Variants in TAFA5 observed in about 807,000 individuals in gnomAD.
The protein encoded by TAFA5 is chemokine-like protein TAFA-5.
A neutral mutation model predicts 15.3 loss-of-function variants in TAFA5; 6 were observed. The ratio of observed to expected loss-of-function variants is 0.39; its 90% CI spans 0.21 to 0.77. The LOEUF is 0.77. TAFA5 is among the 30% of genes least tolerant of loss of function. TAFA5 has a pLI of 0.41. For synonymous variants in TAFA5, 103 were observed against 80.7 expected (o/e 1.28, Z -1.48); for missense variants, 161 against 193.1 (o/e 0.83, Z 0.98).
intron 1 of TAFA5, among the ~76,000 whole-genome samples, chr22:48,633,968 G>T (rs1480175386): frequency 6.6e-6 from 1 of 152,176 alleles, no homozygotes; most frequent in African/African-American, 2.4e-5. Flanking sequence ...GCTTTCCAGG[G>T]GGCAGCTTGT....
intron 3 of TAFA5, among the ~76,000 whole-genome samples, chr22:48,740,474 C>A (rs527981680): frequency 0.013 from 1,936 of 152,332 alleles, 19 homozygotes; most frequent in Non-Finnish European, 0.02. Flanking sequence ...GCTTAGTGAG[C>A]AAAAGTGGGC....
At position 48,688,654 on chromosome 22, in the gene TAFA5, G is replaced by A. The variant is rs147857693; in HGVS notation, c.263-19063G>A. ...AGCTCCTTGCTTAGCTGAAAGGAGA[G>A]TCTTGACTTCCCAGTTTCTGAGAAA... On this transcript the variant is annotated intron_variant, in intron 2 of 3. Coordinates refer to ENST00000402357, the MANE Select transcript of TAFA5 (RefSeq NM_001082967.3). 2.3e-4 allele frequency among the ~76,000 whole-genome samples: 35 copies of A among 152,276 alleles called. 1 individual carries two copies. The East Asian group carries it at 5.0e-3, about 22-fold the overall frequency.
chr22:48,725,027 G>A (rs1046672090), intron 3 of TAFA5, among the ~76,000 whole-genome samples: 11 of 152,256 alleles, frequency 7.2e-5, no homozygotes, highest in Admixed American at 6.5e-4. Context: ...ATTCCCAAAG[G>A]AGCAGAAAAC....
intron 1 of TAFA5, among the ~76,000 whole-genome samples, chr22:48,531,203 C>T (rs538134471): frequency 3.9e-5 from 6 of 152,220 alleles, no homozygotes; most frequent in African/African-American, 1.4e-4. Flanking sequence ...CCAACCCTTT[C>T]GGCCTTGCAT....
chr22:48,500,596 C>G (rs1193860784), intron 1 of TAFA5, among the ~76,000 whole-genome samples: 1 of 152,248 alleles, frequency 6.6e-6, no homozygotes, highest in African/African-American at 2.4e-5. Flanking sequence ...TGCTGTCCGC[C>G]TCTTCTCGGC....
At chr22:48,589,768 G>C (rs1257036637) in intron 1 of TAFA5, among the ~76,000 whole-genome samples, 1 of 152,160 alleles carries the variant, frequency 6.6e-6, no homozygotes, top group African/African-American at 2.4e-5. Context: ...AGCACCCGCA[G>C]CCATCAGGAG....
chr22:48,692,782 G>A (rs1406224281), intron 2 of TAFA5, among the ~76,000 whole-genome samples: 1 of 152,172 alleles, frequency 6.6e-6, no homozygotes, highest in African/African-American at 2.4e-5. Context: ...CATACGAGGG[G>A]CGTGTTCCCA....
chr22:48,727,393 A>G (rs1929745206), intron 3 of TAFA5, among the ~76,000 whole-genome samples: 1 of 152,232 alleles, frequency 6.6e-6, no homozygotes, highest in African/African-American at 2.4e-5. Context: ...AGCCATGATG[A>G]TTTAAGTCGT....
At chr22:48,581,419 G>A (rs1378393315) in intron 1 of TAFA5, among the ~76,000 whole-genome samples, 2 of 152,236 alleles carry the variant, frequency 1.3e-5, no homozygotes, top group Non-Finnish European at 2.9e-5. Flanking sequence ...AAACTCATCA[G>A]TCTCCCATGT....
intron 1 of TAFA5, among the ~76,000 whole-genome samples, chr22:48,580,572 C>T (rs1923997974): frequency 6.6e-6 from 1 of 152,182 alleles, no homozygotes; most frequent in Non-Finnish European, 1.5e-5. Context: ...TTTCCCAGAG[C>T]AGCAAGGCTG....
chr22:48,667,815 C>T (rs374252691), intron 2 of TAFA5, among the ~76,000 whole-genome samples: 8 of 11,434 alleles, frequency 7.0e-4, no homozygotes, highest in Admixed American at 2.7e-3. Context: ...TCACCGGGAG[C>T]GTTAATCCCC....
chr22:48,606,151 C>T (rs980678326), intron 1 of TAFA5, among the ~76,000 whole-genome samples: 6 of 152,182 alleles, frequency 3.9e-5, no homozygotes, highest in African/African-American at 1.2e-4. Flanking sequence ...GCTCCGCTCT[C>T]CTCCACCTCC....
intron 3 of TAFA5, among the ~76,000 whole-genome samples, chr22:48,748,578 C>G (rs1930393586): frequency 6.6e-6 from 1 of 152,222 alleles, no homozygotes; most frequent in African/African-American, 2.4e-5. Flanking sequence ...GGCAGGTCCC[C>G]TCACCCCTGA....
intron 1 of TAFA5, among the ~76,000 whole-genome samples, chr22:48,631,527 G>T (rs738687): frequency 1.3e-5 from 2 of 152,106 alleles, no homozygotes; most frequent in African/African-American, 4.8e-5. Flanking sequence ...GTGTCCCCAG[G>T]TCTCCAGCTG....
chr22:48,737,256 A>C (rs879704061), intron 3 of TAFA5, among the ~76,000 whole-genome samples: 21 of 152,234 alleles, frequency 1.4e-4, no homozygotes, highest in Admixed American at 1.4e-3. Flanking sequence ...AAAGACCATG[A>C]GACAGGGAAC....
intron 1 of TAFA5, among the ~76,000 whole-genome samples, chr22:48,634,017 G>GCACTGCCCC (rs113870807): frequency 6.6e-6 from 1 of 152,142 alleles, no homozygotes; most frequent in Non-Finnish European, 1.5e-5. Context: ...TGTTGACGGT[G>GCACTGCCCC]CACTGCCCCC....
At position 48,598,292 on chromosome 22, in the gene TAFA5, A is replaced by ACACT. The variant is rs1308886647; in HGVS notation, c.113-48303_113-48300dup. 6.6e-6 allele frequency among the ~76,000 whole-genome samples: 1 copy of ACACT among 152,112 alleles called. No individual in the cohort carries two copies. Among genetic ancestry groups the ACACT allele is most frequent in the African/African-American group, 2.4e-5 (1 of 41,408 alleles). ...GATTCAGGCGTTACTCTCATCCAAAACACTCCTTCACAGAAAAATCCAGAA... is the reference window on the plus strand; with the variant it reads ...GATTCAGGCGTTACTCTCATCCAAAACACTCACTCCTTCACAGAAAAATCCAGAA... On this transcript the variant is annotated intron_variant, in intron 1 of 3. Coordinates refer to ENST00000402357, the MANE Select transcript of TAFA5 (RefSeq NM_001082967.3). This position sits in a 1 kb window ranked among gnomAD's most constrained non-coding sequence, Gnocchi z 4.0.
intron 1 of TAFA5, among the ~76,000 whole-genome samples, chr22:48,585,413 A>G (rs1924311661): frequency 6.7e-6 from 1 of 148,848 alleles, no homozygotes; most frequent in Non-Finnish European, 1.5e-5. Flanking sequence ...CACACCACAT[A>G]CACACACACA....
chr22:48,689,484 G>A (rs1026544564), intron 2 of TAFA5, among the ~76,000 whole-genome samples: 5 of 152,176 alleles, frequency 3.3e-5, no homozygotes, highest in African/African-American at 7.2e-5. Flanking sequence ...GCACAGGGTC[G>A]GGTTCTGACG....
Sources: allele counts gnomAD v4.1 joint callset (sites outside exome capture counted in the v4.1 genomes callset), GRCh38; gene constraint gnomAD v4.1.1; non-coding constraint Gnocchi (gnomAD v3.1); transcripts MANE v1.5; gene names NCBI Gene and HGNC (gene_info 2026-07-23, HGNC 2026-07-21).